Variants in EPB41L4B observed in about 807,000 individuals in gnomAD.
EPB41L4B encodes the protein erythrocyte membrane protein band 4.1 like 4B, also known as band 4.1-like protein 4B.
A neutral mutation model predicts 112.5 loss-of-function variants in EPB41L4B; 30 were observed. The observed-to-expected ratio is 0.27, with a 90% CI of 0.20 to 0.36. EPB41L4B has a LOEUF of 0.36. Among genes scored for constraint, EPB41L4B ranks in the 10% least tolerant of loss-of-function variants. The probability of loss-of-function intolerance (pLI) is 1.00; values close to 1 mark genes in which losing one functional copy is unlikely to be tolerated. For missense variants in EPB41L4B, 1,024 were observed against 1,133.3 expected (o/e 0.90, Z 1.38); for synonymous variants, 408 against 439.7 (o/e 0.93, Z 0.90).
chr9:109,198,896 T>G (rs1588129900), intron 20 of EPB41L4B, among the ~76,000 whole-genome samples: 2 of 133,838 alleles, frequency 1.5e-5, no homozygotes, highest in African/African-American at 5.8e-5. Flanking sequence ...GGTGACAGAG[T>G]GACAGAGTGA....
intron 13 of EPB41L4B, among the ~76,000 whole-genome samples, chr9:109,249,069 A>AT (rs1288053327): frequency 2.5e-4 from 36 of 145,980 alleles, no homozygotes; most frequent in African/African-American, 7.8e-4. Context: ...AAAAAAAAAA[A>AT]AAAATATATA....
intron 1 of EPB41L4B, among the ~76,000 whole-genome samples, chr9:109,311,500 C>A (rs1837412881): frequency 6.6e-6 from 1 of 152,186 alleles, no homozygotes; most frequent in Admixed American, 6.5e-5. Context: ...ACCGGATGAT[C>A]CCACAGGTGG....
intron 5 of EPB41L4B, among the ~76,000 whole-genome samples, chr9:109,263,636 C>G (rs575631318): frequency 3.9e-5 from 6 of 152,180 alleles, no homozygotes; most frequent in African/African-American, 1.4e-4. Context: ...CTCATTCATA[C>G]GTAATATTTC....
At chr9:109,295,506 A>T (rs560725383) in intron 1 of EPB41L4B, among the ~76,000 whole-genome samples, 34 of 152,304 alleles carry the variant, frequency 2.2e-4, no homozygotes, top group Non-Finnish European at 4.4e-4. Context: ...AGAACATAGG[A>T]ATGTTCTAGA....
intron 23 of EPB41L4B, among the ~76,000 whole-genome samples, chr9:109,183,023 G>A (rs1408932186): frequency 1.3e-5 from 2 of 152,198 alleles, no homozygotes; most frequent in Non-Finnish European, 2.9e-5. Context: ...AGGGATGACA[G>A]CCTGGAGTCT....
At chr9:109,305,890 G>A (rs1038606964) in intron 1 of EPB41L4B, among the ~76,000 whole-genome samples, 3 of 152,002 alleles carry the variant, frequency 2.0e-5, no homozygotes, top group African/African-American at 7.3e-5. Context: ...CGCCACTGCA[G>A]TCCAGCCTGG....
intron 1 of EPB41L4B, among the ~76,000 whole-genome samples, chr9:109,287,767 G>A (rs1836352023): frequency 6.6e-6 from 1 of 152,092 alleles, no homozygotes; most frequent in Non-Finnish European, 1.5e-5. Flanking sequence ...CCGAGTAGCT[G>A]AGACCACAGG....
At chr9:109,308,398 G>A (rs1285206389) in intron 1 of EPB41L4B, among the ~76,000 whole-genome samples, 1 of 152,110 alleles carries the variant, frequency 6.6e-6, no homozygotes, top group African/African-American at 2.4e-5. Flanking sequence ...ACAAAACTCG[G>A]AAAGTAACAA....
At chr9:109,191,569 A>G (rs910956026) in intron 22 of EPB41L4B, among the ~76,000 whole-genome samples, 2 of 152,202 alleles carry the variant, frequency 1.3e-5, no homozygotes, top group African/African-American at 4.8e-5. Flanking sequence ...ATTCCCTACC[A>G]GATGCTGCTT....
At position 109,252,851 on chromosome 9, in the gene EPB41L4B, C is replaced by T. The variant is rs1588173667; in HGVS notation, c.1279+590G>A. Among the ~76,000 whole-genome samples the T allele has an allele frequency of 2.0e-5, 3 of 152,224 alleles. No homozygotes were observed. The East Asian group carries it at 5.8e-4, about 29-fold the overall frequency. ...TGAGCCTGGCTTGCTCATTCACTGA[C>T]TGAGTTGTACTGTGTTCCGGGCCTC... On this transcript the variant is annotated intron_variant, in intron 12 of 25. Transcript: ENST00000374566.
In EPB41L4B at chr9:109,194,301, C is replaced by T. The variant is rs758430195; in HGVS notation, c.2142G>A (p.Val714=). ...NTTTAATQVS[V]PLPSPKVQNV... is the part of the protein sequence containing the mutation. ...TCTGGACCTTGGGGGACGGCAGCGG[C>T]ACGGAGACTTGTGTGGCGGCCGTTG... The change falls in exon 21 of 26, where the codon GTG becomes GTA. Residue 714 remains valine (V), a synonymous_variant. Coordinates refer to ENST00000374566, the MANE Select transcript of EPB41L4B (RefSeq NM_019114.5). 3.1e-6 allele frequency: 5 copies of T among 1,614,176 alleles called. No homozygotes were observed. The South Asian group carries it at 5.5e-5, about 18-fold the overall frequency.
At chr9:109,278,691 C>T (rs144639427) in intron 2 of EPB41L4B, among the ~76,000 whole-genome samples, 42 of 152,262 alleles carry the variant, frequency 2.8e-4, no homozygotes, top group African/African-American at 9.9e-4. Flanking sequence ...ACCCTTTCCT[C>T]GCCTTTATTT....
chr9:109,260,246 T>C (rs904522584), intron 6 of EPB41L4B, among the ~76,000 whole-genome samples: 18 of 151,860 alleles, frequency 1.2e-4, no homozygotes, highest in Non-Finnish European at 2.4e-4. Context: ...ATTTTTGTAT[T>C]TTTTGTAGAG....
At chr9:109,280,778 C>G (rs552955764) in intron 1 of EPB41L4B, among the ~76,000 whole-genome samples, 1 of 151,730 alleles carries the variant, frequency 6.6e-6, no homozygotes, top group Admixed American at 6.6e-5. Context: ...CACAAATATG[C>G]TTAAATCTAA....
In EPB41L4B at chr9:109,311,850, G is replaced by A. The variant is rs529880449; in HGVS notation, c.306+8291C>T. ...CCCATACTTACCAGCAGAGTGGCCC[G>A]AGGCCATCTGCTCTCCGAGACCATC... On this transcript the variant is annotated intron_variant, in intron 1 of 25. Coordinates refer to ENST00000374566, the MANE Select transcript of EPB41L4B (RefSeq NM_019114.5). 1.1e-4 allele frequency among the ~76,000 whole-genome samples: 17 copies of A among 152,268 alleles called. No individual in the cohort carries two copies. In the South Asian group the frequency reaches 2.9e-3, roughly 26 times the overall value.
chr9:109,292,065 C>G (rs1329010257), intron 1 of EPB41L4B, among the ~76,000 whole-genome samples: 5 of 152,192 alleles, frequency 3.3e-5, no homozygotes, highest in Non-Finnish European at 7.3e-5. Context: ...TGTGTGACCC[C>G]ACTGGTCACA....
Position 109,258,040 on chromosome 9 carries a change from C to T in EPB41L4B, c.752+137G>A, listed in dbSNP as rs548282527. ...TGGGCCTTTGGAAAAACAGGACTGACACAAGGAGAGAAGAGTTGGCGCTGC... is the reference window on the plus strand; with the variant it reads ...TGGGCCTTTGGAAAAACAGGACTGATACAAGGAGAGAAGAGTTGGCGCTGC... On this transcript the variant is annotated intron_variant, in intron 7 of 25. Coordinates refer to ENST00000374566, the MANE Select transcript of EPB41L4B (RefSeq NM_019114.5). The T allele has an allele frequency of 3.2e-5, 30 of 934,948 alleles. No homozygotes were observed. In the Admixed American group the frequency reaches 5.1e-4, roughly 16 times the overall value. The allele number at this position is 934,948 out of a possible 1,614,324, so 57.9% of individuals were successfully genotyped here.
At chr9:109,192,209 A>G (rs750149607) in intron 22 of EPB41L4B, 69 bp downstream of exon 22, 5 of 1,269,788 alleles carry the variant, frequency 3.9e-6, no homozygotes, top group Admixed American at 2.0e-5. Flanking sequence ...ACCTCTGTCC[A>G]TCCGTCCCAC....
intron 1 of EPB41L4B, among the ~76,000 whole-genome samples, chr9:109,290,099 G>T (rs1425591605): frequency 1.3e-5 from 2 of 152,256 alleles, no homozygotes; most frequent in African/African-American, 2.4e-5. Flanking sequence ...TACCACATGG[G>T]GCTGTGCCCT....
Sources: allele counts gnomAD v4.1 joint callset (sites outside exome capture counted in the v4.1 genomes callset), GRCh38; gene constraint gnomAD v4.1.1; transcripts MANE v1.5; gene names NCBI Gene and HGNC (gene_info 2026-07-23, HGNC 2026-07-21).